CHD5: variants seen among roughly 807,000 people sequenced by gnomAD.
The protein encoded by CHD5 is ATP-dependent chromatin remodeler CHD5.
Under a neutral mutation model 230.3 loss-of-function variants are expected in CHD5, and 69 were observed. The observed-to-expected ratio is 0.30, with a 90% CI of 0.25 to 0.37. The LOEUF is 0.37. CHD5 is among the 10% of genes least tolerant of loss of function. The pLI is 1.00. For synonymous variants in CHD5, 1,064 were observed against 1,065.9 expected (o/e 1.00, Z 0.03); for missense variants, 1,827 against 2,622.8 (o/e 0.70, Z 6.63).
chr1:6,176,002 A>AGATG (rs1557566841), intron 1 of CHD5, among the ~76,000 whole-genome samples: 1 of 151,340 alleles, frequency 6.6e-6, no homozygotes, highest in East Asian at 1.9e-4. Flanking sequence ...GTGGGTAGGT[A>AGATG]GATGGATGGA....
intron 3 of CHD5, among the ~76,000 whole-genome samples, chr1:6,157,125 C>T (rs1667092579): frequency 6.6e-6 from 1 of 152,218 alleles, no homozygotes; most frequent in Admixed American, 6.5e-5. Flanking sequence ...CCTGACACCC[C>T]ACTTCTTCCA....
At chr1:6,165,608 T>C (rs1048965080) in intron 2 of CHD5, among the ~76,000 whole-genome samples, 1 of 151,546 alleles carries the variant, frequency 6.6e-6, no homozygotes, top group East Asian at 2.0e-4. Context: ...CAGAGCAAGA[T>C]TTTACAGCCT....
rs773595241 is a variant in CHD5, at chr1:6,144,059, G to A, written c.1899C>T (p.Tyr633=). The A allele has an allele frequency of 2.5e-6, 4 of 1,614,080 alleles. No homozygotes were observed. Among genetic ancestry groups the A allele is most frequent in the South Asian group, 2.2e-5 (2 of 91,090 alleles). The change falls in exon 12 of 42, where the codon TAC becomes TAT. Residue 633 remains tyrosine (Y), a synonymous_variant. Transcript: ENST00000262450. ...TWEIDDIDIP[Y]YDNLKQAYWG... The stretch of plus-strand genomic sequence containing the variant: ...AGTAGGCCTGCTTGAGGTTGTCGTA[G>A]TAGGGGATGTCGATGTCATCGATCT...
At chr1:6,176,266 A>ACTCT (rs1399249460) in intron 1 of CHD5, among the ~76,000 whole-genome samples, 2 of 151,986 alleles carry the variant, frequency 1.3e-5, no homozygotes, top group Non-Finnish European at 2.9e-5. Flanking sequence ...CATGACTGTC[A>ACTCT]CTCTCTCCTG....
intron 2 of CHD5, among the ~76,000 whole-genome samples, chr1:6,162,419 A>G (rs1019294781): frequency 6.6e-6 from 1 of 152,070 alleles, no homozygotes; most frequent in African/African-American, 2.4e-5. Context: ...AAAGAAAAGA[A>G]AATGCCTTGA....
In CHD5 at chr1:6,144,139, C is replaced by T; in HGVS notation, c.1819G>A (p.Asp607Asn). 1.2e-6 allele frequency: 2 copies of T among 1,614,180 alleles called. No homozygotes were observed. Among genetic ancestry groups the T allele is most frequent in the East Asian group, 2.2e-5 (1 of 44,882 alleles). The part of the protein sequence containing the change: ...ILNHSFDKKG[D>N]VHYLIKWKDL... ...TTCCACTTGATCAGGTAGTGCACAT[C>T]CCCCTTCTTGTCAAAGCTGCAACAC... The change falls in exon 12 of 42, where the codon GAT (aspartate) becomes AAT (asparagine). Residue 607 changes from aspartate to asparagine, a missense_variant. By Grantham distance (23) the Asp-to-Asn change is conservative (BLOSUM62 1). This residue lies in a region of CHD5 where 657 missense variants were observed against 816.4 expected (regional missense o/e 0.80). Transcript: ENST00000262450.
chr1:6,133,804 C>T (rs1285859457), intron 20 of CHD5, among the ~76,000 whole-genome samples: 5 of 152,344 alleles, frequency 3.3e-5, no homozygotes, highest in Admixed American at 6.5e-5. Flanking sequence ...CCCAACCACA[C>T]CCCAGGGCCC....
rs766011316 is a variant in CHD5, at chr1:6,106,654, G to T, written c.5704C>A (p.Arg1902Ser). 1 of 1,605,480 alleles carries T rather than the reference G, an allele frequency of 6.2e-7. No individual in the cohort carries two copies. The highest frequency in any genetic ancestry group is 8.5e-7 in the Non-Finnish European group (1 of 1,176,530). The part of the protein sequence containing the change: ...LQMSERSILS[R>S]LTNRAGDPTI... ...GGGTCCCCGGCGCGGTTGGTCAGGC[G>T]GCTCAGGATGCTGCGCTCCGACATC... Residue 1902 changes from arginine (R) to serine (S), a missense_variant, in exon 39 of 42, where the codon CGC (arginine) becomes AGC (serine). Coordinates refer to ENST00000262450, the MANE Select transcript of CHD5 (RefSeq NM_015557.3).
At chr1:6,147,763 C>T (rs1666934136) in intron 9 of CHD5, among the ~76,000 whole-genome samples, 1 of 152,218 alleles carries the variant, frequency 6.6e-6, no homozygotes, top group African/African-American at 2.4e-5. Flanking sequence ...CCACATCACA[C>T]CTGAAGGCAT....
chr1:6,129,944 T>G lies in CHD5; in HGVS notation c.3387+260A>C, dbSNP rs539299889. Among the ~76,000 whole-genome samples the G allele has an allele frequency of 1.3e-4, 20 of 152,290 alleles. No individual in the cohort carries two copies. The highest frequency in any genetic ancestry group is 4.8e-4 in the African/African-American group (20 of 41,564). On this transcript the variant is annotated intron_variant, in intron 22 of 41. Transcript: ENST00000262450. The surrounding 1 kb of genome is among the most constrained non-coding windows in gnomAD (Gnocchi z 6.8). Reference sequence around the variant, plus strand: ...GACCAGATCAGTGGCCACTAGGAACTGCTGTGCGCCCTGGGACACTTCCCC... The same window carrying G: ...GACCAGATCAGTGGCCACTAGGAACGGCTGTGCGCCCTGGGACACTTCCCC...
At chr1:6,152,352 T>C (rs548157211) in intron 6 of CHD5, 60 bp downstream of exon 6, 1 of 1,559,748 alleles carries the variant, frequency 6.4e-7, no homozygotes, top group Admixed American at 1.9e-5. Context: ...CCTTGCGTGC[T>C]CATGTGCAGA....
Position 6,106,524 on chromosome 1 carries a change from T to A in CHD5, c.5743-15A>T. 6.4e-7 allele frequency: 1 copy of A among 1,550,938 alleles called. No individual in the cohort carries two copies. Among genetic ancestry groups the A allele is most frequent in the Non-Finnish European group, 8.7e-7 (1 of 1,147,228 alleles). On this transcript the variant is annotated splice_polypyrimidine_tract_variant and intron_variant, in intron 39 of 41. Transcript: ENST00000262450. ...CCGAAAGCGCCCTGGAGGCAAGGAC[T>A]CAGCTTCACAGGTGGTCTCAGGCCC...
Position 6,130,196 on chromosome 1 carries a change from G to T in CHD5, c.3387+8C>A. The T allele has an allele frequency of 6.2e-7, 1 of 1,613,874 alleles. No individual in the cohort carries two copies. Among genetic ancestry groups the T allele is most frequent in the Non-Finnish European group, 8.5e-7 (1 of 1,179,838 alleles). On this transcript the variant is annotated splice_region_variant and intron_variant, in intron 22 of 41. Coordinates refer to ENST00000262450, the MANE Select transcript of CHD5 (RefSeq NM_015557.3). This position sits in a 1 kb window ranked among gnomAD's most constrained non-coding sequence, Gnocchi z 4.9. ...CCTGGGAGGGTGGTGGGCGGCAGCAGCACAGACCTGGATGTCATTGTGCGG... is the reference window on the plus strand; with the variant it reads ...CCTGGGAGGGTGGTGGGCGGCAGCATCACAGACCTGGATGTCATTGTGCGG...
rs369379416 is a variant in CHD5, at chr1:6,121,616, G to A, written c.4700-43C>T. On this transcript the variant is annotated intron_variant, in intron 31 of 41. Coordinates refer to ENST00000262450, the MANE Select transcript of CHD5 (RefSeq NM_015557.3). This position sits in a 1 kb window ranked among gnomAD's most constrained non-coding sequence, Gnocchi z 4.5. ...AGAGCTGAGACAGGTGGGCTCAGAC[G>A]GGAAGGAGTAGGGCAGGGAGTGGGG... The A allele has an allele frequency of 1.7e-4, 249 of 1,489,988 alleles. No homozygotes were observed. The highest frequency in any genetic ancestry group is 4.5e-4 in the East Asian group (20 of 43,974). 92.3% of individuals were successfully genotyped at this position (1,489,988 alleles called of 1,614,324 possible).
chr1:6,146,914 G>C lies in CHD5; in HGVS notation c.1384-43C>G. ...TCCCCAAGGTGGGGCTCAGCTGCAG[G>C]GCCCCACCCTGAGGCTCCCATGACA... On this transcript the variant is annotated intron_variant, in intron 9 of 41. Coordinates refer to ENST00000262450, the MANE Select transcript of CHD5 (RefSeq NM_015557.3). This position sits in a 1 kb window ranked among gnomAD's most constrained non-coding sequence, Gnocchi z 5.1. 7.1e-7 allele frequency: 1 copy of C among 1,403,494 alleles called. No homozygotes were observed. Among genetic ancestry groups the C allele is most frequent in the Non-Finnish European group, 9.5e-7 (1 of 1,056,774 alleles). The allele number at this position is 1,403,494 out of a possible 1,614,324, so 86.9% of individuals were successfully genotyped here. A position where few individuals can be genotyped will look rare whatever the true frequency, so the allele number is the denominator to read the frequency against.
In CHD5 at chr1:6,112,296, A is replaced by G. The variant is rs542974165; in HGVS notation, c.5003-19T>C. On this transcript the variant is annotated intron_variant, in intron 34 of 41. Coordinates refer to ENST00000262450, the MANE Select transcript of CHD5 (RefSeq NM_015557.3). ...GTGTCATCTGCCGGGGACAGATCAC[A>G]TTCATTCATCCATCCATCCAAAAAG... 1 of 1,609,940 alleles carries G rather than the reference A, an allele frequency of 6.2e-7. No individual in the cohort carries two copies. The highest frequency in any genetic ancestry group is 1.3e-5 in the African/African-American group (1 of 74,872).
chr1:6,169,175 G>A (rs1667298392), intron 1 of CHD5, among the ~76,000 whole-genome samples: 1 of 152,192 alleles, frequency 6.6e-6, no homozygotes, highest in Admixed American at 6.5e-5. Flanking sequence ...GAGAATCCAA[G>A]ACCATATCGT....
chr1:6,149,818 G>C (rs1289792790), intron 7 of CHD5, among the ~76,000 whole-genome samples: 4 of 151,318 alleles, frequency 2.6e-5, no homozygotes, highest in African/African-American at 9.7e-5. Context: ...TAGGTGGATG[G>C]AAGGATGGAT....
intron 18 of CHD5, 97 bp downstream of exon 18, chr1:6,135,133 G>C (rs147125492): frequency 1.4e-6 from 2 of 1,404,540 alleles, no homozygotes; most frequent in Non-Finnish European, 2.0e-6. Context: ...ACCTCAGTGA[G>C]GCTGAAGAGC....
Sources: allele counts gnomAD v4.1 joint callset (sites outside exome capture counted in the v4.1 genomes callset), GRCh38; gene constraint gnomAD v4.1.1; regional missense constraint gnomAD v4.1.1; non-coding constraint Gnocchi (gnomAD v3.1); transcripts MANE v1.5; gene names NCBI Gene and HGNC (gene_info 2026-07-23, HGNC 2026-07-21).